The following LUZP2 variants were observed in gnomAD, a reference collection of about 807,000 sequenced individuals.
LUZP2 encodes leucine zipper protein 2.
A neutral mutation model predicts 51.6 loss-of-function variants in LUZP2; 52 were observed. That is an observed-to-expected ratio of 1.01 (90% CI 0.81 to 1.27). The LOEUF (loss-of-function observed/expected upper bound fraction) is 1.27, where lower values mean the gene tolerates loss of function less well. Ranked by LOEUF, LUZP2 falls within the 50% of genes most tolerant of loss-of-function variation. The pLI is 0.00. For synonymous variants in LUZP2, 154 were observed against 137.3 expected (o/e 1.12, Z -0.85); for missense variants, 436 against 395.4 (o/e 1.10, Z -0.87).
In LUZP2 at chr11:24,976,473, T is replaced by C. The variant is rs886857545; in HGVS notation, c.523-118T>C. ...ATTCTAAATGAATCTTACAGGACAC[T>C]GTTTTTTTTTTTTTTCTTTTCTCTC... On this transcript the variant is annotated intron_variant, in intron 7 of 11. Transcript: ENST00000336930. 2.4e-4 allele frequency: 26 copies of C among 109,530 alleles called. 1 individual carries two copies. The Admixed American group carries it at 7.6e-3, about 32-fold the overall frequency. The allele number at this position is 109,530 out of a possible 1,614,324, so 6.8% of individuals were successfully genotyped here.
intron 5 of LUZP2, among the ~76,000 whole-genome samples, chr11:24,905,700 CT>C (rs201254313): frequency 5.3e-5 from 8 of 151,626 alleles, no homozygotes; most frequent in East Asian, 1.9e-4. Context: ...ATTAAATTAA[CT>C]TTTTTTTTCA....
intron 1 of LUZP2, among the ~76,000 whole-genome samples, chr11:24,608,851 A>C (rs1267171693): frequency 3.3e-5 from 5 of 152,182 alleles, no homozygotes; most frequent in Non-Finnish European, 5.9e-5. Context: ...GAGGAGGGCA[A>C]GTGGTCAAAC....
intron 1 of LUZP2, among the ~76,000 whole-genome samples, chr11:24,632,772 T>C (rs1221927975): frequency 6.6e-5 from 10 of 151,942 alleles, no homozygotes; most frequent in Non-Finnish European, 1.3e-4. Flanking sequence ...TATAAGGAAA[T>C]GCAAAATATC....
At chr11:24,828,942 C>T (rs1027653965) in intron 5 of LUZP2, among the ~76,000 whole-genome samples, 2 of 151,992 alleles carry the variant, frequency 1.3e-5, no homozygotes, top group African/African-American at 4.8e-5. Flanking sequence ...AGGGAGTAAC[C>T]CTGGGTTCCA....
intron 1 of LUZP2, among the ~76,000 whole-genome samples, chr11:24,547,113 A>G (rs1235693054): frequency 6.6e-6 from 1 of 151,740 alleles, no homozygotes; most frequent in Non-Finnish European, 1.5e-5. Context: ...CCAGGAATTT[A>G]TCAGTTTATT....
intron 10 of LUZP2, among the ~76,000 whole-genome samples, chr11:25,070,984 C>T (rs1309927762): frequency 3.3e-5 from 5 of 151,780 alleles, no homozygotes; most frequent in African/African-American, 9.7e-5. Context: ...TCCAAAAATT[C>T]CACAGATGAA....
At chr11:24,862,757 A>C (rs1326653747) in intron 5 of LUZP2, among the ~76,000 whole-genome samples, 1 of 152,238 alleles carries the variant, frequency 6.6e-6, no homozygotes, top group Non-Finnish European at 1.5e-5. Flanking sequence ...CTTTAAAGGA[A>C]CCATAAAGTA....
intron 5 of LUZP2, among the ~76,000 whole-genome samples, chr11:24,831,719 A>C (rs2716495): frequency 0.16 from 23,846 of 152,140 alleles, 2,077 homozygotes; most frequent in African/African-American, 0.22. Flanking sequence ...AAAATATTAT[A>C]TTTTAAACAA....
At chr11:24,887,414 C>T (rs893118686) in intron 5 of LUZP2, among the ~76,000 whole-genome samples, 5 of 152,092 alleles carry the variant, frequency 3.3e-5, no homozygotes, top group African/African-American at 7.2e-5. Flanking sequence ...TATACAAGCA[C>T]GTGGCAACAG....
intron 1 of LUZP2, among the ~76,000 whole-genome samples, chr11:24,551,772 T>C (rs1590171190): frequency 1.3e-5 from 2 of 152,074 alleles, no homozygotes; most frequent in South Asian, 4.1e-4. Context: ...AACAACAAAA[T>C]AGGCTATTTT....
At chr11:24,982,483 T>C (rs772348993) in intron 8 of LUZP2, among the ~76,000 whole-genome samples, 1 of 151,842 alleles carries the variant, frequency 6.6e-6, no homozygotes, top group Non-Finnish European at 1.5e-5. Flanking sequence ...CTGGAGTCTA[T>C]TATCCTTAGA....
chr11:24,512,139 G>A (rs1371901752), intron 1 of LUZP2, among the ~76,000 whole-genome samples: 2 of 152,292 alleles, frequency 1.3e-5, no homozygotes, highest in South Asian at 4.1e-4. Flanking sequence ...GCTGAACAGG[G>A]GAAGAAGTGA....
intron 1 of LUZP2, among the ~76,000 whole-genome samples, chr11:24,605,412 A>C (rs973437164): frequency 2.6e-5 from 4 of 151,732 alleles, no homozygotes; most frequent in African/African-American, 9.7e-5. Flanking sequence ...CTTGAATCTG[A>C]GCTCTTTAAA....
chr11:24,878,602 A>T (rs1300968344), intron 5 of LUZP2, among the ~76,000 whole-genome samples: 3 of 151,904 alleles, frequency 2.0e-5, no homozygotes, highest in African/African-American at 7.3e-5. Flanking sequence ...AAGTTTGAGA[A>T]GTTTTCTGTT....
chr11:24,888,005 C>A (rs535256230), intron 5 of LUZP2, among the ~76,000 whole-genome samples: 1 of 152,290 alleles, frequency 6.6e-6, no homozygotes, highest in Non-Finnish European at 1.5e-5. Flanking sequence ...AGCTGCCTGG[C>A]CACAATGGTT....
At chr11:24,675,907 C>G (rs186819886) in intron 1 of LUZP2, among the ~76,000 whole-genome samples, 5 of 152,060 alleles carry the variant, frequency 3.3e-5, no homozygotes, top group African/African-American at 9.6e-5. Flanking sequence ...CAACCTCCCC[C>G]TCCCGGGTTG....
At chr11:24,515,745 C>G (rs1325857263) in intron 1 of LUZP2, among the ~76,000 whole-genome samples, 1 of 152,122 alleles carries the variant, frequency 6.6e-6, no homozygotes, top group Non-Finnish European at 1.5e-5. Flanking sequence ...TAATCATAGG[C>G]TCTCCAGTAG....
chr11:24,663,952 C>A (rs751384961), intron 1 of LUZP2, among the ~76,000 whole-genome samples: 4 of 152,144 alleles, frequency 2.6e-5, no homozygotes, highest in Admixed American at 6.6e-5. Context: ...GGATATTAAA[C>A]CTCTTTTCTT....
intron 7 of LUZP2, among the ~76,000 whole-genome samples, chr11:24,959,139 G>C (rs1305606770): frequency 6.6e-6 from 1 of 152,158 alleles, no homozygotes; most frequent in African/African-American, 2.4e-5. Context: ...CCAGTATCAT[G>C]CTGTTTTGGT....
Sources: allele counts gnomAD v4.1 joint callset (sites outside exome capture counted in the v4.1 genomes callset), GRCh38; gene constraint gnomAD v4.1.1; transcripts MANE v1.5; gene names NCBI Gene and HGNC (gene_info 2026-07-23, HGNC 2026-07-21).